Variants in CHSY1 observed in about 807,000 individuals in gnomAD.
CHSY1 encodes the protein chondroitin sulfate synthase 1.
A neutral mutation model predicts 59.8 loss-of-function variants in CHSY1; 13 were observed. That is an observed-to-expected ratio of 0.22 (90% confidence interval 0.14 to 0.35). The LOEUF (loss-of-function observed/expected upper bound fraction) is 0.35. Ranked by LOEUF, CHSY1 falls within the 10% of genes least tolerant of loss-of-function variation. The pLI, the probability that CHSY1 is intolerant of heterozygous loss-of-function variation, is 1.00. For synonymous variants in CHSY1, 459 were observed against 401.2 expected, an observed-to-expected ratio of 1.14 and a Z score of -1.72; for missense variants, 947 against 1,030.6, an observed-to-expected ratio of 0.92 and a Z score of 1.11.
At chr15:101,248,260 T>C (rs1441439287) in intron 1 of CHSY1, among the ~76,000 whole-genome samples, 1 of 152,174 alleles carries the variant, frequency 6.6e-6, no homozygotes, top group Non-Finnish European at 1.5e-5. Context: ...ACAGTAAAAC[T>C]GGAATCATAT....
chr15:101,215,943 C>T (rs957908086), intron 2 of CHSY1, among the ~76,000 whole-genome samples: 4 of 152,072 alleles, frequency 2.6e-5, no homozygotes, highest in African/African-American at 9.7e-5. Context: ...GCCTGAGGCA[C>T]ATGAACAATC....
chr15:101,251,026 G>T, intron 1 of CHSY1, 111 bp downstream of exon 1: 1 of 1,037,606 alleles, frequency 9.6e-7, no homozygotes, highest in Non-Finnish European at 1.4e-6. Flanking sequence ...CCCGCCGGAA[G>T]CCCAAGAAGG....
At chr15:101,183,582 GAT>G (rs2038310383) in intron 2 of CHSY1, among the ~76,000 whole-genome samples, 1 of 152,224 alleles carries the variant, frequency 6.6e-6, no homozygotes, top group African/African-American at 2.4e-5. Flanking sequence ...GCTACTGAAG[GAT>G]ATGTTCCTCT....
Position 101,178,766 on chromosome 15 carries a change from T to C in CHSY1, c.1031A>G (p.Tyr344Cys), listed in dbSNP as rs752480217. The C allele has an allele frequency of 6.2e-7, 1 of 1,614,204 alleles. No individual in the cohort carries two copies. Among genetic ancestry groups the C allele is most frequent in the South Asian group, 1.1e-5 (1 of 91,084 alleles). Residue 344 changes from tyrosine to cysteine, a missense_variant, in exon 3 of 3, where the codon TAC becomes TGC. Physicochemically the swap from Tyr to Cys is radical, Grantham distance 194 (BLOSUM62 -2). This residue lies in a region of CHSY1 where 602 missense variants were observed against 676.9 expected (regional missense o/e 0.89). Transcript: ENST00000254190. ...LHREIVLMSK[Y>C]SNTEIHKEDL... ...CTCTTTATGAATTTCTGTGTTGCTGTATTTGCTCATCAGGACAATTTCGCG... is the reference window on the plus strand; with the variant it reads ...CTCTTTATGAATTTCTGTGTTGCTGCATTTGCTCATCAGGACAATTTCGCG...
intron 1 of CHSY1, among the ~76,000 whole-genome samples, chr15:101,248,173 C>T (rs1329537667): frequency 6.6e-6 from 1 of 152,188 alleles, no homozygotes; most frequent in African/African-American, 2.4e-5. Flanking sequence ...AAGAGTCAAG[C>T]TTACTTTTAT....
chr15:101,199,513 AAACG>A (rs2038548583), intron 2 of CHSY1, among the ~76,000 whole-genome samples: 1 of 152,180 alleles, frequency 6.6e-6, no homozygotes, highest in Non-Finnish European at 1.5e-5. Context: ...AAAAACAAAC[AAACG>A]AACAAACAAA....
At chr15:101,228,170 G>C (rs2038859112) in intron 2 of CHSY1, among the ~76,000 whole-genome samples, 2 of 151,594 alleles carry the variant, frequency 1.3e-5, no homozygotes, top group Admixed American at 1.3e-4. Context: ...AACAGGCAGA[G>C]GAAAGAATCC....
chr15:101,238,765 C>T (rs1337456267), intron 1 of CHSY1, among the ~76,000 whole-genome samples: 1 of 152,180 alleles, frequency 6.6e-6, no homozygotes, highest in Admixed American at 6.5e-5. Flanking sequence ...ACAAATTCAG[C>T]CCAGACATTC....
In CHSY1 at chr15:101,176,963, T is replaced by C. The variant is rs960867221; in HGVS notation, c.*425A>G. The C allele has an allele frequency of 1.4e-5, 2 of 144,132 alleles. No individual in the cohort carries two copies. The highest frequency in any genetic ancestry group is 2.9e-5 in the Non-Finnish European group (2 of 69,908). 8.9% of individuals were successfully genotyped at this position (144,132 alleles called of 1,614,324 possible). On this transcript the variant is annotated 3_prime_UTR_variant, in exon 3 of 3. Transcript: ENST00000254190. ...GGAACATGAAATGGCTTTAAAACAA[T>C]TGTAAAAAAAAAAAACAAAACACAA...
intron 2 of CHSY1, among the ~76,000 whole-genome samples, chr15:101,217,656 G>C (rs991873032): frequency 1.3e-5 from 2 of 152,140 alleles, no homozygotes; most frequent in African/African-American, 4.8e-5. Flanking sequence ...GCACCCAGTG[G>C]ACAAAGGTGG....
chr15:101,192,073 G>C (rs947446081), intron 2 of CHSY1, among the ~76,000 whole-genome samples: 4 of 152,304 alleles, frequency 2.6e-5, no homozygotes, highest in African/African-American at 7.2e-5. Flanking sequence ...AAAAAGAAGA[G>C]AGAAATATTT....
chr15:101,226,675 C>T (rs965781339), intron 2 of CHSY1, among the ~76,000 whole-genome samples: 3 of 152,152 alleles, frequency 2.0e-5, no homozygotes, highest in Admixed American at 6.5e-5. Flanking sequence ...CACCCCACCT[C>T]GCTCCACCAG....
intron 2 of CHSY1, among the ~76,000 whole-genome samples, chr15:101,205,905 T>C (rs530016283): frequency 4.0e-5 from 6 of 151,282 alleles, no homozygotes; most frequent in East Asian, 2.0e-4. Context: ...TGAGCCGAGA[T>C]AGCGCCACTA....
At chr15:101,246,437 A>G (rs998625053) in intron 1 of CHSY1, among the ~76,000 whole-genome samples, 11 of 151,706 alleles carry the variant, frequency 7.3e-5, no homozygotes, top group Admixed American at 6.6e-4. Context: ...AGGTAAGTGT[A>G]GCCAAGAAAT....
intron 2 of CHSY1, among the ~76,000 whole-genome samples, chr15:101,204,154 C>T (rs570928984): frequency 1.3e-4 from 20 of 152,244 alleles, no homozygotes; most frequent in African/African-American, 4.6e-4. Context: ...TAATGTAGGC[C>T]GGGCACAGTG....
chr15:101,192,659 C>T (rs2038459066), intron 2 of CHSY1, among the ~76,000 whole-genome samples: 3 of 151,196 alleles, frequency 2.0e-5, no homozygotes. Context: ...GTTCTAAACG[C>T]CTCCCTCGTG....
chr15:101,222,329 C>G (rs575995264), intron 2 of CHSY1, among the ~76,000 whole-genome samples: 2 of 152,308 alleles, frequency 1.3e-5, no homozygotes, highest in African/African-American at 4.8e-5. Context: ...TCTCTTGGTT[C>G]TAGCCACTTT....
intron 1 of CHSY1, among the ~76,000 whole-genome samples, chr15:101,250,430 T>C (rs1158153088): frequency 6.6e-6 from 1 of 152,230 alleles, no homozygotes; most frequent in Admixed American, 6.5e-5. Context: ...CTGAACACAA[T>C]TCCAGCTGCT....
At chr15:101,235,601 T>C in intron 1 of CHSY1, 24 bp from the exon 2 acceptor site, 1 of 1,600,802 alleles carries the variant, frequency 6.2e-7, no homozygotes, top group Non-Finnish European at 8.5e-7. Flanking sequence ...AAATATCAGT[T>C]AGAGAACAGT....
Sources: gnomAD v4.1 joint callset for allele counts (sites outside exome capture counted in the v4.1 genomes callset) on GRCh38, gnomAD v4.1.1 for gene constraint, gnomAD v4.1.1 regional missense constraint, MANE v1.5 for transcripts, NCBI Gene and HGNC (gene_info 2026-07-23, HGNC 2026-07-21) for gene names.